Variants in DPYD observed in about 807,000 individuals in gnomAD.
DPYD encodes the protein dihydropyrimidine dehydrogenase [NADP(+)].
A neutral mutation model predicts 116.2 loss-of-function variants in DPYD; 109 were observed. The observed-to-expected ratio is 0.94, with a 90% CI of 0.80 to 1.10. DPYD has a LOEUF of 1.10. DPYD is among the 50% of genes least tolerant of loss of function. DPYD has a pLI of 0.00. For synonymous variants in DPYD, 440 were observed against 432.0 expected (o/e 1.02, Z -0.23); for missense variants, 1,302 against 1,254.5 (o/e 1.04, Z -0.57).
chr1:97,820,811 A>T (rs1361408419), intron 3 of DPYD, among the ~76,000 whole-genome samples: 1 of 152,198 alleles, frequency 6.6e-6, no homozygotes, highest in Non-Finnish European at 1.5e-5. Flanking sequence ...CAATGTTGGC[A>T]CTCCAAAAAT....
At chr1:97,376,099 TATC>T in intron 15 of DPYD, among the ~76,000 whole-genome samples, 1 of 152,202 alleles carries the variant, frequency 6.6e-6, no homozygotes, top group East Asian at 1.9e-4. Context: ...AGGTAGGATA[TATC>T]ATCATTTCTA....
chr1:97,324,373 T>C (rs1668602427), intron 16 of DPYD, among the ~76,000 whole-genome samples: 1 of 152,056 alleles, frequency 6.6e-6, no homozygotes, highest in Non-Finnish European at 1.5e-5. Flanking sequence ...TGCTGACCTC[T>C]TTTTATTTAG....
At chr1:97,137,088 G>A (rs1653864947) in intron 20 of DPYD, among the ~76,000 whole-genome samples, 1 of 152,184 alleles carries the variant, frequency 6.6e-6, no homozygotes, top group Non-Finnish European at 1.5e-5. Context: ...TCTGAACCAG[G>A]TTTATTGTTC....
Position 97,827,908 on chromosome 1 carries a change from T to C in DPYD, c.233+206A>G, listed in dbSNP as rs141641497. ...GCATTTTAAGTAACAAATTAAACAT[T>C]TACATTTTTTACTGTGCACTGAGGC... On this transcript the variant is annotated intron_variant, in intron 3 of 22. Coordinates refer to ENST00000370192, the MANE Select transcript of DPYD (RefSeq NM_000110.4). 2.4e-3 allele frequency among the ~76,000 whole-genome samples: 358 copies of C among 152,284 alleles called. 2 individuals are homozygous for C. Among genetic ancestry groups the C allele is most frequent in the African/African-American group, 8.3e-3 (346 of 41,550 alleles).
rs553686826 is a variant in DPYD, at chr1:97,605,734, A to G, written c.851-10568T>C. ...AAAATCTGCTCTGCTGGGATATTAAATGAGATAATATATCTCAATAGTATG... is the reference window on the plus strand; with the variant it reads ...AAAATCTGCTCTGCTGGGATATTAAGTGAGATAATATATCTCAATAGTATG... On this transcript the variant is annotated intron_variant, in intron 8 of 22. Transcript: ENST00000370192. Among the ~76,000 whole-genome samples, 6 of 152,180 alleles carry G rather than the reference A, an allele frequency of 3.9e-5. No individual in the cohort carries two copies. In the East Asian group the frequency reaches 1.2e-3, roughly 29 times the overall value.
intron 13 of DPYD, among the ~76,000 whole-genome samples, chr1:97,511,554 T>G (rs1350559286): frequency 6.6e-6 from 1 of 151,992 alleles, no homozygotes; most frequent in African/African-American, 2.4e-5. Flanking sequence ...TATATTAATA[T>G]TACTCTTATT....
intron 4 of DPYD, among the ~76,000 whole-genome samples, chr1:97,729,788 T>A (rs1663484719): frequency 6.6e-6 from 1 of 152,184 alleles, no homozygotes; most frequent in Admixed American, 6.6e-5. Context: ...ATCTTCCCCA[T>A]GAGTTAGTCA....
At position 97,533,391 on chromosome 1, in the gene DPYD, G is replaced by C. The variant is rs574673793; in HGVS notation, c.1524+16169C>G. On this transcript the variant is annotated intron_variant, in intron 12 of 22. Coordinates refer to ENST00000370192, the MANE Select transcript of DPYD (RefSeq NM_000110.4). The stretch of plus-strand genomic sequence containing the variant: ...TCAAGAAATGACTTTAAGTTAGACA[G>C]AGATCCCCCTAAAATAATAAATAAC... Among the ~76,000 whole-genome samples, 16 of 152,200 alleles carry C rather than the reference G, an allele frequency of 1.1e-4. No homozygotes were observed. The South Asian group carries it at 1.5e-3, about 14-fold the overall frequency.
At chr1:97,234,004 A>C (rs2100745350) in intron 19 of DPYD, among the ~76,000 whole-genome samples, 1 of 152,252 alleles carries the variant, frequency 6.6e-6, no homozygotes, top group Non-Finnish European at 1.5e-5. Flanking sequence ...AACTATTTAC[A>C]CTCTACCCTT....
chr1:97,872,478 A>C (rs188894207), intron 2 of DPYD, among the ~76,000 whole-genome samples: 1 of 152,100 alleles, frequency 6.6e-6, no homozygotes, highest in Admixed American at 6.6e-5. Context: ...TGAAATAAAT[A>C]ATTAAAGCAA....
chr1:97,134,353 T>A (rs1406539057), intron 20 of DPYD, among the ~76,000 whole-genome samples: 1 of 152,118 alleles, frequency 6.6e-6, no homozygotes, highest in African/African-American at 2.4e-5. Flanking sequence ...CAGAATTTGG[T>A]ATTCTCACAT....
intron 18 of DPYD, among the ~76,000 whole-genome samples, chr1:97,260,235 T>C (rs1663790122): frequency 6.6e-6 from 1 of 152,100 alleles, no homozygotes; most frequent in Non-Finnish European, 1.5e-5. Flanking sequence ...AAACACTGGA[T>C]GACAGGTGTG....
At chr1:97,419,204 C>G (rs1158214851) in intron 14 of DPYD, among the ~76,000 whole-genome samples, 2 of 152,160 alleles carry the variant, frequency 1.3e-5, no homozygotes, top group Admixed American at 1.3e-4. Context: ...GTGAATGGAG[C>G]CATCCAACAT....
intron 12 of DPYD, among the ~76,000 whole-genome samples, chr1:97,516,347 A>G (rs1356210572): frequency 2.0e-5 from 3 of 151,940 alleles, no homozygotes; most frequent in African/African-American, 7.2e-5. Flanking sequence ...ATTTCCAGTA[A>G]TTTCACTACT....
At chr1:97,269,398 T>A (rs190661111) in intron 18 of DPYD, among the ~76,000 whole-genome samples, 197 of 152,256 alleles carry the variant, frequency 1.3e-3, no homozygotes, top group African/African-American at 4.4e-3. Context: ...AGCCTTCTCC[T>A]CCAAACTGTT....
intron 3 of DPYD, chr1:97,796,879 G>A (rs1446028003): frequency 6.6e-6 from 1 of 152,096 alleles, no homozygotes; most frequent in Non-Finnish European, 1.5e-5. Flanking sequence ...CTTGGTAACA[G>A]TATTATGCTA....
intron 2 of DPYD, among the ~76,000 whole-genome samples, chr1:97,871,814 T>C (rs1671673305): frequency 6.6e-6 from 1 of 151,824 alleles, no homozygotes; most frequent in Admixed American, 6.6e-5. Context: ...CATTGTTCTC[T>C]ATCCACTATC....
chr1:97,529,305 G>A (rs1042074212), intron 12 of DPYD, among the ~76,000 whole-genome samples: 6 of 151,912 alleles, frequency 3.9e-5, no homozygotes, highest in East Asian at 1.9e-4. Context: ...CATTCTATAC[G>A]GCAGGCATTC....
At chr1:97,287,523 C>A (rs1156338154) in intron 18 of DPYD, among the ~76,000 whole-genome samples, 1 of 152,158 alleles carries the variant, frequency 6.6e-6, no homozygotes, top group Non-Finnish European at 1.5e-5. Flanking sequence ...CTGTGCCCTG[C>A]CCCCAGAGGT....
Sources: gnomAD v4.1 joint callset for allele counts (sites outside exome capture counted in the v4.1 genomes callset) on GRCh38, gnomAD v4.1.1 for gene constraint, MANE v1.5 for transcripts, NCBI Gene and HGNC (gene_info 2026-07-23, HGNC 2026-07-21) for gene names.